The following ROBO1 variants were observed in gnomAD, a reference collection of about 807,000 sequenced individuals.
ROBO1 encodes roundabout guidance receptor 1.
Under a neutral mutation model 195.9 loss-of-function variants are expected in ROBO1, and 149 were observed. The observed-to-expected ratio is 0.76, with a 90% CI of 0.67 to 0.87. ROBO1 has a LOEUF of 0.87. Among genes scored for constraint, ROBO1 ranks in the 40% least tolerant of loss-of-function variants. The pLI, the probability that ROBO1 is intolerant of heterozygous loss-of-function variation, is 0.00. For synonymous variants in ROBO1, 816 were observed against 733.2 expected (o/e 1.11, Z -1.82); for missense variants, 1,933 against 2,068.3 (o/e 0.93, Z 1.27).
chr3:78,718,024 C>T (rs966666249), intron 5 of ROBO1, 141 bp from the exon 6 acceptor site: 3 of 790,868 alleles, frequency 3.8e-6, no homozygotes, highest in Middle Eastern at 2.5e-4. Context: ...GTAGTATTTG[C>T]TATTTTTAGG....
chr3:79,344,078 T>C (rs1426766267), intron 2 of ROBO1, among the ~76,000 whole-genome samples: 1 of 152,198 alleles, frequency 6.6e-6, no homozygotes, highest in African/African-American at 2.4e-5. Context: ...TTGTTTCTTA[T>C]TGAGATTAGC....
intron 4 of ROBO1, among the ~76,000 whole-genome samples, chr3:78,856,886 C>T (rs1164379769): frequency 5.3e-5 from 8 of 150,716 alleles, no homozygotes; most frequent in African/African-American, 9.8e-5. Flanking sequence ...TGGAAAGTCT[C>T]ACCATTATTT....
intron 4 of ROBO1, among the ~76,000 whole-genome samples, chr3:78,850,225 T>C (rs2033967489): frequency 6.6e-6 from 1 of 152,182 alleles, no homozygotes; most frequent in South Asian, 2.1e-4. Flanking sequence ...GACTATAAAT[T>C]ACCCCTCTGG....
chr3:79,736,663 T>C (rs909682330), intron 1 of ROBO1, among the ~76,000 whole-genome samples: 1 of 152,228 alleles, frequency 6.6e-6, no homozygotes, highest in Non-Finnish European at 1.5e-5. Flanking sequence ...TCATATTGCA[T>C]GTCAGGCTAC....
intron 2 of ROBO1, among the ~76,000 whole-genome samples, chr3:79,436,080 T>C (rs2038877316): frequency 6.6e-6 from 1 of 152,146 alleles, no homozygotes; most frequent in African/African-American, 2.4e-5. Context: ...TGGACCCTTG[T>C]AAAGAAAGAA....
intron 2 of ROBO1, among the ~76,000 whole-genome samples, chr3:79,580,622 T>A (rs1943630182): frequency 6.6e-6 from 1 of 152,136 alleles, no homozygotes; most frequent in Non-Finnish European, 1.5e-5. Context: ...ATATAAGGAA[T>A]TTAAAATGAA....
intron 4 of ROBO1, among the ~76,000 whole-genome samples, chr3:78,883,249 A>AAAG (rs1486770849): frequency 6.6e-6 from 1 of 151,994 alleles, no homozygotes; most frequent in Non-Finnish European, 1.5e-5. Context: ...GTTGGTAAAA[A>AAAG]AAAAAAAGTT....
At position 78,717,245 on chromosome 3, in the gene ROBO1, CA is replaced by C. The variant is rs1157405104; in HGVS notation, c.917+29del. 2.6e-6 allele frequency: 4 copies of C among 1,519,864 alleles called. No homozygotes were observed. In the South Asian group the frequency reaches 4.0e-5, roughly 15 times the overall value. The allele number at this position is 1,519,864 out of a possible 1,614,324, so 94.1% of individuals were successfully genotyped here. A position where few individuals can be genotyped will look rare whatever the true frequency, so the allele number is the denominator to read the frequency against. The stretch of plus-strand genomic sequence containing the variant: ...GAGAAACGTAGAAATGCTGAGTTGA[CA>C]AATCATATCATGAAACTCTGATGTG... On this transcript the variant is annotated intron_variant, in intron 7 of 30. Coordinates refer to ENST00000464233, the MANE Select transcript of ROBO1 (RefSeq NM_002941.4).
At chr3:79,119,410 A>C (rs552424737) in intron 3 of ROBO1, among the ~76,000 whole-genome samples, 1 of 152,304 alleles carries the variant, frequency 6.6e-6, no homozygotes, top group African/African-American at 2.4e-5. Flanking sequence ...AGACTTTTGG[A>C]GTATGAGACA....
At chr3:79,354,800 A>G (rs1412627175) in intron 2 of ROBO1, among the ~76,000 whole-genome samples, 1 of 152,214 alleles carries the variant, frequency 6.6e-6, no homozygotes, top group African/African-American at 2.4e-5. Context: ...TAAAGCTTTT[A>G]ATAACAGAAA....
intron 1 of ROBO1, among the ~76,000 whole-genome samples, chr3:79,685,837 T>C (rs894236792): frequency 3.3e-5 from 5 of 152,116 alleles, no homozygotes; most frequent in East Asian, 3.9e-4. Flanking sequence ...TTCCAATCAA[T>C]AGAAAAAGAG....
intron 2 of ROBO1, among the ~76,000 whole-genome samples, chr3:79,359,182 C>T (rs926574855): frequency 4.0e-5 from 6 of 151,862 alleles, no homozygotes; most frequent in Non-Finnish European, 7.4e-5. Flanking sequence ...CTAGCAATAT[C>T]TAATGGAGAC....
chr3:79,309,148 T>C (rs1239704023), intron 2 of ROBO1, among the ~76,000 whole-genome samples: 1 of 152,212 alleles, frequency 6.6e-6, no homozygotes, highest in Non-Finnish European at 1.5e-5. Flanking sequence ...AATTCATACC[T>C]ACTGGGTTAT....
At chr3:79,064,135 A>G (rs2078966784) in intron 3 of ROBO1, among the ~76,000 whole-genome samples, 2 of 151,998 alleles carry the variant, frequency 1.3e-5, no homozygotes, top group African/African-American at 2.4e-5. Flanking sequence ...AGTGATGGAT[A>G]TACTAATTAC....
intron 7 of ROBO1, among the ~76,000 whole-genome samples, chr3:78,716,753 C>G (rs1163100781): frequency 1.3e-5 from 2 of 152,084 alleles, no homozygotes; most frequent in Non-Finnish European, 2.9e-5. Context: ...CTGACAGTAC[C>G]CGAAAGCCTT....
intron 3 of ROBO1, among the ~76,000 whole-genome samples, chr3:79,099,355 T>C (rs1442658467): frequency 2.0e-5 from 3 of 151,714 alleles, no homozygotes; most frequent in African/African-American, 7.3e-5. Context: ...AGGAGACAGA[T>C]AGATAAATTA....
intron 3 of ROBO1, among the ~76,000 whole-genome samples, chr3:79,071,736 A>ACGCG (rs1281172688): frequency 4.7e-5 from 2 of 42,140 alleles, no homozygotes; most frequent in Admixed American, 2.5e-4. Context: ...ACACACACAC[A>ACGCG]CACGCACACA....
chr3:79,528,124 A>G (rs1003065984), intron 2 of ROBO1, among the ~76,000 whole-genome samples: 2 of 152,174 alleles, frequency 1.3e-5, no homozygotes, highest in African/African-American at 2.4e-5. Context: ...CCAATTACTT[A>G]TATCTTAGAG....
chr3:79,748,663 G>T (rs1256503393), intron 1 of ROBO1, among the ~76,000 whole-genome samples: 1 of 152,078 alleles, frequency 6.6e-6, no homozygotes, highest in African/African-American at 2.4e-5. Context: ...GGAGGTGATT[G>T]AATTATGGGG....
Sources: allele counts gnomAD v4.1 joint callset (sites outside exome capture counted in the v4.1 genomes callset), GRCh38; gene constraint gnomAD v4.1.1; transcripts MANE v1.5; gene names NCBI Gene and HGNC (gene_info 2026-07-23, HGNC 2026-07-21).